INTS3: variants seen among roughly 807,000 people sequenced by gnomAD.
The protein encoded by INTS3 is integrator complex subunit 3.
A neutral mutation model predicts 146.3 loss-of-function variants in INTS3; 34 were observed. That is an observed-to-expected ratio of 0.23 (90% CI 0.18 to 0.31). The LOEUF (loss-of-function observed/expected upper bound fraction) is 0.31. Ranked by LOEUF, INTS3 falls within the 10% of genes least tolerant of loss-of-function variation. The pLI is 1.00. For missense variants in INTS3, 757 were observed against 1,304.2 expected (o/e 0.58, Z 6.46); for synonymous variants, 475 against 494.9 (o/e 0.96, Z 0.53).
intron 1 of INTS3, among the ~76,000 whole-genome samples, chr1:153,733,452 CTTCCT>C (rs1671166838): frequency 6.7e-6 from 1 of 150,058 alleles, no homozygotes; most frequent in Non-Finnish European, 1.5e-5. Context: ...ACCTCGTGAT[CTTCCT>C]GCCTCAGCTT....
At chr1:153,742,970 G>A (rs1191803568) in intron 3 of INTS3, among the ~76,000 whole-genome samples, 1 of 152,198 alleles carries the variant, frequency 6.6e-6, no homozygotes, top group Non-Finnish European at 1.5e-5. Context: ...AAGCCTCCAG[G>A]TCAGGCCTCT....
chr1:153,752,103 C>T (rs953473633), intron 7 of INTS3, 176 bp from the exon 8 acceptor site: 20 of 684,734 alleles, frequency 2.9e-5, no homozygotes, highest in Admixed American at 1.8e-4. Flanking sequence ...CAGCTTCCAG[C>T]TCTCTTCCCC....
intron 3 of INTS3, among the ~76,000 whole-genome samples, chr1:153,741,916 A>G (rs1236602705): frequency 6.6e-6 from 1 of 152,196 alleles, no homozygotes; most frequent in African/African-American, 2.4e-5. Flanking sequence ...GTTCTTCACA[A>G]ACTGAAGAGT....
chr1:153,749,572 C>G (rs1337810067), intron 6 of INTS3, among the ~76,000 whole-genome samples: 1 of 152,240 alleles, frequency 6.6e-6, no homozygotes, highest in Non-Finnish European at 1.5e-5. Context: ...GAGCCCTGCC[C>G]TGTCTGCTGT....
intron 21 of INTS3, among the ~76,000 whole-genome samples, chr1:153,768,684 G>A (rs1218488052): frequency 2.6e-5 from 4 of 152,190 alleles, no homozygotes; most frequent in African/African-American, 9.7e-5. Flanking sequence ...CCCTGATGGT[G>A]TGCACACATA....
At chr1:153,761,761 C>T (rs1672392906) in intron 14 of INTS3, 85 bp downstream of exon 14, 1 of 789,212 alleles carries the variant, frequency 1.3e-6, no homozygotes. Context: ...TTCAGGATGT[C>T]CCACACAGTT....
Position 153,772,412 on chromosome 1 carries a change from G to C in INTS3, c.2793G>C (p.Arg931=). 1 of 1,614,108 alleles carries C rather than the reference G, an allele frequency of 6.2e-7. No homozygotes were observed. The highest frequency in any genetic ancestry group is 8.5e-7 in the Non-Finnish European group (1 of 1,180,022). ...EQILEHLDNL[R]LNLTNTKQNF... ...TCCTGGAGCACTTGGACAATCTGCG[G>C]CTCAACCTGACCAACACCAAGCAGA... Residue 931 remains arginine, a synonymous_variant, in exon 27 of 30, where the codon CGG becomes CGC. Transcript: ENST00000318967. The surrounding 1 kb of genome is among the most constrained non-coding windows in gnomAD (Gnocchi z 4.6).
intron 21 of INTS3, 112 bp downstream of exon 21, chr1:153,767,939 G>A: frequency 1.8e-6 from 2 of 1,084,380 alleles, no homozygotes; most frequent in South Asian, 3.8e-5. Flanking sequence ...ACTAACCTAG[G>A]TGGGCCATTG....
Position 153,751,005 on chromosome 1 carries a change from G to A in INTS3, c.585-90G>A, listed in dbSNP as rs1386689322. The A allele has an allele frequency of 4.5e-6, 6 of 1,319,866 alleles. No individual in the cohort carries two copies. In the African/African-American group the frequency reaches 8.8e-5, roughly 19 times the overall value. 81.8% of individuals were successfully genotyped at this position (1,319,866 alleles called of 1,614,324 possible). On this transcript the variant is annotated intron_variant, in intron 6 of 29. Coordinates refer to ENST00000318967, the MANE Select transcript of INTS3 (RefSeq NM_023015.5). ...CAGTGTCAAATCATCAATTATTTCT[G>A]AGGCACTGTAGCCAAGCCCAAGAAG... is the stretch of plus-strand genomic sequence containing the variant.
At chr1:153,771,093 G>A (rs1004032082) in intron 25 of INTS3, among the ~76,000 whole-genome samples, 1 of 152,050 alleles carries the variant, frequency 6.6e-6, no homozygotes, top group Admixed American at 6.5e-5. Context: ...CCAAGAGGAG[G>A]GAGGGTCAGG....
chr1:153,767,930 C>A, intron 21 of INTS3, 103 bp downstream of exon 21: 1 of 1,240,902 alleles, frequency 8.1e-7, no homozygotes, highest in Non-Finnish European at 1.1e-6. Context: ...TTCATCCCCA[C>A]TAACCTAGGT....
chr1:153,734,346 A>G (rs141742144), intron 1 of INTS3, among the ~76,000 whole-genome samples: 1 of 152,282 alleles, frequency 6.6e-6, no homozygotes, highest in African/African-American at 2.4e-5. Context: ...ATGATTTGTA[A>G]TCAATTTTCC....
chr1:153,746,913 T>G (rs1375453227), intron 3 of INTS3, 44 bp from the exon 4 acceptor site: 7 of 1,343,576 alleles, frequency 5.2e-6, no homozygotes, highest in Non-Finnish European at 7.5e-6. Flanking sequence ...GGTGAGGACC[T>G]TATCCTCAGC....
intron 1 of INTS3, among the ~76,000 whole-genome samples, chr1:153,731,366 G>A (rs1465238416): frequency 6.6e-6 from 1 of 151,922 alleles, no homozygotes; most frequent in East Asian, 1.9e-4. Context: ...CTTCTCTTTG[G>A]CCCTGTTTTT....
rs1194446054 is a variant in INTS3 at position 153,771,878 on chromosome 1, T to C, written c.2635T>C (p.Trp879Arg). The C allele has an allele frequency of 6.2e-7, 1 of 1,614,148 alleles. No individual in the cohort carries two copies. The highest frequency in any genetic ancestry group is 8.5e-7 in the Non-Finnish European group (1 of 1,180,020). The change falls in exon 26 of 30, where the codon TGG (tryptophan) becomes CGG (arginine). Residue 879 changes from tryptophan (W) to arginine (R), a missense_variant. Trp to Arg is a moderately radical substitution (Grantham distance 101). Around this residue, in one of 8 missense-constraint regions of INTS3, gnomAD observed 116 missense variants for 226.5 expected, o/e 0.51. Coordinates refer to ENST00000318967, the MANE Select transcript of INTS3 (RefSeq NM_023015.5). ...DQFTTSILRH[W>R]CMKHDELLAE... ...GTTCACCACCAGCATCCTGCGGCAC[T>C]GGTGCATGAAACATGACGAGCTGCT...
At chr1:153,763,932 T>C (rs774545476) in intron 17 of INTS3, 46 bp downstream of exon 17, 8 of 1,565,838 alleles carry the variant, frequency 5.1e-6, no homozygotes, top group Non-Finnish European at 7.0e-6. Flanking sequence ...CCTAGCCTGC[T>C]TAGCTTACAC....
At chr1:153,762,642 G>T (rs1672427717) in intron 14 of INTS3, 86 bp from the exon 15 acceptor site, 2 of 1,498,950 alleles carry the variant, frequency 1.3e-6, no homozygotes, top group Admixed American at 3.7e-5. Flanking sequence ...TCTCTCACTT[G>T]CCCTCCATTC....
At chr1:153,766,115 C>CTTTTTTTTTTTTTTTTTTT (rs542483679) in intron 20 of INTS3, among the ~76,000 whole-genome samples, 2 of 84,652 alleles carry the variant, frequency 2.4e-5, no homozygotes, top group Non-Finnish European at 4.3e-5. Flanking sequence ...TTTTCTTTCT[C>CTTTTTTTTTTTTTTTTTTT]TTTTTTTTTT....
rs1650565802 is a variant in INTS3, at chr1:153,770,701, G to T, written c.2520G>T (p.Leu840=). 6.8e-6 allele frequency: 11 copies of T among 1,613,844 alleles called. No homozygotes were observed. Among genetic ancestry groups the T allele is most frequent in the Non-Finnish European group, 8.5e-6 (10 of 1,179,874 alleles). Residue 840 remains leucine, a synonymous_variant, in exon 25 of 30, where the codon CTG becomes CTT. Transcript: ENST00000318967. Reference sequence around the variant, plus strand: ...CCCTCACAGAGCACCCAGAGGCCCTGTCCTGCCTACTGCTTCAACTCCGAA... The same window carrying T: ...CCCTCACAGAGCACCCAGAGGCCCTTTCCTGCCTACTGCTTCAACTCCGAA... ...HLKYKEHPEA[L]SCLLLQLRRE...
Sources: gnomAD v4.1 joint callset for allele counts (sites outside exome capture counted in the v4.1 genomes callset) on GRCh38, gnomAD v4.1.1 for gene constraint, gnomAD v4.1.1 regional missense constraint, Gnocchi (gnomAD v3.1) non-coding constraint, MANE v1.5 for transcripts, NCBI Gene and HGNC (gene_info 2026-07-23, HGNC 2026-07-21) for gene names.